NCOR1: variants seen among roughly 807,000 people sequenced by gnomAD.
NCOR1 encodes nuclear receptor corepressor 1.
In NCOR1, 63 loss-of-function variants were observed where a neutral mutation model predicts 288.1. The ratio of observed to expected loss-of-function variants is 0.22; its 90% confidence interval spans 0.18 to 0.27. NCOR1 has a LOEUF of 0.27. Among genes scored for constraint, NCOR1 ranks in the 10% least tolerant of loss-of-function variants. The pLI, the probability that NCOR1 is intolerant of heterozygous loss-of-function variation, is 1.00. For synonymous variants in NCOR1, 1,007 were observed against 1,065.9 expected (o/e 0.94, Z 1.08); for missense variants, 2,397 against 3,019.2 (o/e 0.79, Z 4.83).
chr17:16,108,365 G>A (rs757336593), intron 19 of NCOR1: 10 of 197,612 alleles, frequency 5.1e-5, no homozygotes, highest in African/African-American at 7.2e-5. Flanking sequence ...TTTTTCTATC[G>A]GTGCTTCTAA....
intron 7 of NCOR1, among the ~76,000 whole-genome samples, chr17:16,152,965 C>A (rs2079105088): frequency 6.6e-6 from 1 of 152,008 alleles, no homozygotes; most frequent in East Asian, 1.9e-4. Context: ...CCATTGTTTC[C>A]CATAAGTATA....
chr17:16,071,037 T>C (rs1330905772), intron 30 of NCOR1, among the ~76,000 whole-genome samples: 3 of 151,962 alleles, frequency 2.0e-5, no homozygotes, highest in Non-Finnish European at 2.9e-5. Context: ...TCCCAGCACT[T>C]TGGGATGCTG....
chr17:16,148,663 CAAAAAAAAAAAAAAAA>C (rs397857284), intron 9 of NCOR1, among the ~76,000 whole-genome samples: 2 of 48,352 alleles, frequency 4.1e-5, no homozygotes, highest in African/African-American at 1.0e-4. Flanking sequence ...ATGTTCTTGG[CAAAAAAAAAAAAAAAA>C]AAAAAAAAAA....
intron 4 of NCOR1, among the ~76,000 whole-genome samples, chr17:16,168,782 C>G (rs907221037): frequency 5.9e-5 from 9 of 151,866 alleles, no homozygotes; most frequent in African/African-American, 2.2e-4. Flanking sequence ...ACCAGCCTGG[C>G]CAACATGGTG....
chr17:16,066,691 G>C (rs1049006807), intron 32 of NCOR1, among the ~76,000 whole-genome samples: 1 of 152,212 alleles, frequency 6.6e-6, no homozygotes, highest in Non-Finnish European at 1.5e-5. Flanking sequence ...CTGGGAGACA[G>C]TGCCCTAAGT....
intron 44 of NCOR1, 67 bp from the exon 45 acceptor site, chr17:16,035,011 A>C: frequency 6.9e-7 from 1 of 1,448,418 alleles, no homozygotes; most frequent in South Asian, 1.2e-5. Context: ...AATGCTAATG[A>C]TTATATATTG....
At chr17:16,098,158 C>T (rs982532075) in intron 21 of NCOR1, among the ~76,000 whole-genome samples, 1 of 152,136 alleles carries the variant, frequency 6.6e-6, no homozygotes, top group Non-Finnish European at 1.5e-5. Flanking sequence ...TGAAAAGGTC[C>T]TGGGGATCAT....
At chr17:16,040,123 A>C in intron 43 of NCOR1, 1 of 509,868 alleles carries the variant, frequency 2.0e-6, no homozygotes, top group Admixed American at 2.3e-5. Context: ...TAACTCCTTA[A>C]GGAAATTTGT....
At chr17:16,076,342 C>T (rs1219323116) in intron 26 of NCOR1, among the ~76,000 whole-genome samples, 3 of 152,162 alleles carry the variant, frequency 2.0e-5, no homozygotes, top group Non-Finnish European at 4.4e-5. Context: ...ACGCATTTGG[C>T]CCAGGAACTG....
intron 33 of NCOR1, 112 bp from the exon 34 acceptor site, chr17:16,065,131 T>C: frequency 1.0e-6 from 1 of 988,526 alleles, no homozygotes. Flanking sequence ...GTACATAATA[T>C]AAATAAAAAT....
chr17:16,148,682 A>C (rs919140107), intron 9 of NCOR1, among the ~76,000 whole-genome samples: 2 of 149,904 alleles, frequency 1.3e-5, no homozygotes, highest in East Asian at 3.9e-4. Flanking sequence ...AAAAAAAAAA[A>C]AAAAAAAACA....
Position 16,165,151 on chromosome 17 carries a change from A to G in NCOR1, c.446T>C (p.Phe149Ser). 6.3e-7 allele frequency: 1 copy of G among 1,595,430 alleles called. No homozygotes were observed. The highest frequency in any genetic ancestry group is 8.5e-7 in the Non-Finnish European group (1 of 1,175,676). ...GGATGGAGCTTCATGTTTGCCTCCG[A>G]ATGCTGGATCCTTTAGAGAATAAAA... is the stretch of plus-strand genomic sequence containing the variant. ...ASADAKKDPA[F>S]GGKHEAPSSP... is the part of the protein sequence containing the mutation. The change falls in exon 5 of 46, where the codon TTC (phenylalanine) becomes TCC (serine). Residue 149 changes from phenylalanine (F) to serine (S), a missense_variant. Phe to Ser is a radical substitution (Grantham distance 155). Around this residue, in one of 11 missense-constraint regions of NCOR1, gnomAD observed 110 missense variants for 123.2 expected, o/e 0.89. Transcript: ENST00000268712.
chr17:16,046,800 C>T, intron 42 of NCOR1, 151 bp downstream of exon 42: 1 of 857,834 alleles, frequency 1.2e-6, no homozygotes, highest in Non-Finnish European at 1.7e-6. Context: ...CATGGGCTGG[C>T]AGACACTTGA....
chr17:16,044,363 A>G, intron 42 of NCOR1: 1 of 470,332 alleles, frequency 2.1e-6, no homozygotes, highest in Middle Eastern at 3.3e-4. Flanking sequence ...ACATTTATTA[A>G]TCACAAGAGT....
chr17:16,039,218 A>C, intron 44 of NCOR1: 1 of 557,510 alleles, frequency 1.8e-6, no homozygotes, highest in East Asian at 3.0e-5. Flanking sequence ...GGAGGGTGAC[A>C]CTTTGGGTAA....
rs1233073588 is a variant in NCOR1, at chr17:16,208,889, T to C, written c.-71+6473A>G. On this transcript the variant is annotated intron_variant, in intron 1 of 45. Coordinates refer to ENST00000268712, the MANE Select transcript of NCOR1 (RefSeq NM_006311.4). The stretch of plus-strand genomic sequence containing the variant: ...GATAATTTACTAATTACAGCTATGT[T>C]AGTCACTGACATTGGTGAAATTTCT... Among the ~76,000 whole-genome samples, 9 of 152,302 alleles carry C rather than the reference T, an allele frequency of 5.9e-5. No homozygotes were observed. In the East Asian group the frequency reaches 1.7e-3, roughly 29 times the overall value.
intron 1 of NCOR1, among the ~76,000 whole-genome samples, chr17:16,200,315 A>G (rs2090595620): frequency 6.6e-6 from 1 of 151,700 alleles, no homozygotes; most frequent in Admixed American, 6.6e-5. Flanking sequence ...GTAAAACTCC[A>G]TCTCTACTAA....
At chr17:16,147,486 T>C (rs1171825532) in intron 9 of NCOR1, among the ~76,000 whole-genome samples, 2 of 152,154 alleles carry the variant, frequency 1.3e-5, no homozygotes, top group Non-Finnish European at 2.9e-5. Flanking sequence ...TATGATACCA[T>C]TTTCTAAATA....
chr17:16,095,964 T>C (rs1366304279), intron 21 of NCOR1, among the ~76,000 whole-genome samples: 1 of 152,164 alleles, frequency 6.6e-6, no homozygotes, highest in African/African-American at 2.4e-5. Flanking sequence ...GGGAGACTTT[T>C]CATTTTGTTC....
Sources: gnomAD v4.1 joint callset for allele counts (sites outside exome capture counted in the v4.1 genomes callset) on GRCh38, gnomAD v4.1.1 for gene constraint, gnomAD v4.1.1 regional missense constraint, MANE v1.5 for transcripts, NCBI Gene and HGNC (gene_info 2026-07-23, HGNC 2026-07-21) for gene names.